TRIO: variants seen among roughly 807,000 people sequenced by gnomAD.
TRIO encodes the protein triple functional domain protein.
TRIO carries 58 observed loss-of-function variants against 351.9 expected under a neutral mutation model. The observed-to-expected ratio is 0.16, with a 90% CI of 0.13 to 0.21. The LOEUF is 0.21. Ranked by LOEUF, TRIO falls within the 10% of genes least tolerant of loss-of-function variation. TRIO has a pLI of 1.00. For synonymous variants in TRIO, 1,758 were observed against 1,595.7 expected, an observed-to-expected ratio of 1.10 and a Z score of -2.42; for missense variants, 3,201 against 4,027.8, an observed-to-expected ratio of 0.79 and a Z score of 5.56.
intron 1 of TRIO, among the ~76,000 whole-genome samples, chr5:14,193,322 T>C (rs1217143115): frequency 3.3e-5 from 5 of 152,238 alleles, no homozygotes; most frequent in Non-Finnish European, 7.3e-5. Flanking sequence ...GGCACACATA[T>C]ACAGATAAAA....
chr5:14,153,392 G>A (rs1356981327), intron 1 of TRIO, among the ~76,000 whole-genome samples: 2 of 152,298 alleles, frequency 1.3e-5, no homozygotes, highest in Admixed American at 6.5e-5. Context: ...TGCTTGCAAT[G>A]TCATAGGATG....
chr5:14,362,270 C>G (rs1165398394), intron 13 of TRIO, among the ~76,000 whole-genome samples: 1 of 152,190 alleles, frequency 6.6e-6, no homozygotes, highest in Non-Finnish European at 1.5e-5. Context: ...AAATCATTGC[C>G]AGTTTATTCT....
chr5:14,154,239 G>T (rs1016010949), intron 1 of TRIO, among the ~76,000 whole-genome samples: 2 of 152,080 alleles, frequency 1.3e-5, no homozygotes, highest in African/African-American at 4.8e-5. Context: ...GAAGGGCGGG[G>T]AGAGGCTGGC....
chr5:14,506,999 G>A, intron 55 of TRIO, 123 bp from the exon 56 acceptor site: 2 of 1,339,328 alleles, frequency 1.5e-6, no homozygotes, highest in South Asian at 1.7e-5. Context: ...TAGAGGCACG[G>A]CCCTGAGATC....
chr5:14,308,597 T>C (rs1738597469), intron 8 of TRIO, among the ~76,000 whole-genome samples: 1 of 150,616 alleles, frequency 6.6e-6, no homozygotes, highest in Admixed American at 6.6e-5. Flanking sequence ...CATTCATTCA[T>C]TGATGCGTTC....
chr5:14,500,128 A>G (rs1757175817), intron 53 of TRIO, among the ~76,000 whole-genome samples: 2 of 152,002 alleles, frequency 1.3e-5, no homozygotes, highest in African/African-American at 2.4e-5. Context: ...AGTTACTTCT[A>G]TCACACAAAT....
chr5:14,251,298 C>T (rs1794732331), intron 1 of TRIO, among the ~76,000 whole-genome samples: 1 of 152,316 alleles, frequency 6.6e-6, no homozygotes, highest in Non-Finnish European at 1.5e-5. Flanking sequence ...AGGCTTCTGG[C>T]CCTATGCCTC....
chr5:14,351,473 C>T (rs1048171372), intron 11 of TRIO, among the ~76,000 whole-genome samples: 10 of 152,096 alleles, frequency 6.6e-5, no homozygotes, highest in African/African-American at 1.2e-4. Flanking sequence ...CCCTATGGCT[C>T]GCCCATTCCC....
intron 34 of TRIO, among the ~76,000 whole-genome samples, chr5:14,453,820 A>T (rs1753029134): frequency 6.6e-6 from 1 of 152,234 alleles, no homozygotes; most frequent in Non-Finnish European, 1.5e-5. Context: ...CTGATGAGAA[A>T]GTTAGCGATG....
rs74723820 is a variant in TRIO, at chr5:14,353,637, A to G, written c.2047-4541A>G. 2.0e-5 allele frequency among the ~76,000 whole-genome samples: 3 copies of G among 152,264 alleles called. No homozygotes were observed. The East Asian group carries it at 5.8e-4, about 29-fold the overall frequency. On this transcript the variant is annotated intron_variant, in intron 11 of 56. Transcript: ENST00000344204. ...GAGAAAACAGAGCTGGATCCAGGTA[A>G]CTTGTCAAAGTTACACCCTAGGAAG...
chr5:14,392,930 C>T (rs887806486), intron 27 of TRIO, among the ~76,000 whole-genome samples: 1 of 152,002 alleles, frequency 6.6e-6, no homozygotes, highest in African/African-American at 2.4e-5. Flanking sequence ...CACCTGTATC[C>T]CAGCTACTTG....
In TRIO at chr5:14,360,888, A is replaced by C. The variant is rs114577279; in HGVS notation, c.2391+1357A>C. ...AGGAGTCAAACCCTAAACATGTGGC[A>C]TGGTGAAACCTGTTCAGATGCTCTC... On this transcript the variant is annotated intron_variant, in intron 13 of 56. Transcript: ENST00000344204. 9.0e-3 allele frequency among the ~76,000 whole-genome samples: 1,375 copies of C among 152,368 alleles called. 18 individuals are homozygous for C. The highest frequency in any genetic ancestry group is 0.031 in the African/African-American group (1,291 of 41,590).
chr5:14,198,112 A>C (rs953695099), intron 1 of TRIO, among the ~76,000 whole-genome samples: 1 of 152,230 alleles, frequency 6.6e-6, no homozygotes, highest in South Asian at 2.1e-4. Flanking sequence ...AAATTTAGAA[A>C]ACAGAAGAAA....
Position 14,284,591 on chromosome 5 carries a change from C to T in TRIO, c.348-2280C>T, listed in dbSNP as rs182948811. Among the ~76,000 whole-genome samples, 70 of 152,220 alleles carry T rather than the reference C, an allele frequency of 4.6e-4. 1 individual carries two copies. Among genetic ancestry groups the T allele is most frequent in the African/African-American group, 1.5e-3 (64 of 41,520 alleles). On this transcript the variant is annotated intron_variant, in intron 3 of 56. Transcript: ENST00000344204. Reference sequence around the variant, plus strand: ...GTAGCTTTTGGTTTTGTTGTTCTCCCGCTTATTCCTGTTGTTAAGCCTGGA... The same window carrying T: ...GTAGCTTTTGGTTTTGTTGTTCTCCTGCTTATTCCTGTTGTTAAGCCTGGA...
chr5:14,272,383 T>G, intron 2 of TRIO, among the ~76,000 whole-genome samples: 1 of 152,224 alleles, frequency 6.6e-6, no homozygotes, highest in East Asian at 1.9e-4. Flanking sequence ...GATGGACATG[T>G]GAAGAAAGGT....
Position 14,482,707 on chromosome 5 carries a change from C to A in TRIO, c.6591C>A (p.Phe2197Leu), listed in dbSNP as rs1336100440. 6.2e-7 allele frequency: 1 copy of A among 1,610,870 alleles called. No individual in the cohort carries two copies. The highest frequency in any genetic ancestry group is 1.3e-5 in the African/African-American group (1 of 74,844). ...RIFLFEQIVI[F>L]SEPLDKKKGF... The stretch of plus-strand genomic sequence containing the variant: ...TCCTCTTTGAGCAGATCGTCATATT[C>A]AGCGAACCACTTGATAAAAAGAAGG... The change falls in exon 46 of 57, where the codon TTC (phenylalanine) becomes TTA (leucine). Residue 2197 changes from phenylalanine to leucine, a missense_variant. Physicochemically the swap from Phe to Leu is conservative, Grantham distance 22 (BLOSUM62 0). Around this residue, in one of 19 missense-constraint regions of TRIO, gnomAD observed 1,089 missense variants for 954.9 expected, o/e 1.14. Transcript: ENST00000344204.
At chr5:14,150,523 G>A (rs1787768554) in intron 1 of TRIO, among the ~76,000 whole-genome samples, 1 of 151,780 alleles carries the variant, frequency 6.6e-6, no homozygotes, top group Non-Finnish European at 1.5e-5. Flanking sequence ...ACAAATCAAA[G>A]GATTATATAT....
intron 34 of TRIO, among the ~76,000 whole-genome samples, chr5:14,426,097 G>A (rs548874295): frequency 2.6e-5 from 4 of 151,806 alleles, no homozygotes; most frequent in African/African-American, 7.3e-5. Context: ...GCCCTTTTTC[G>A]TTTCACCTAA....
intron 9 of TRIO, among the ~76,000 whole-genome samples, chr5:14,317,742 A>G (rs887113907): frequency 6.6e-6 from 1 of 152,246 alleles, no homozygotes. Context: ...CTGTAATCCC[A>G]GCACTTTGGG....
Sources: gnomAD v4.1 joint callset for allele counts (sites outside exome capture counted in the v4.1 genomes callset) on GRCh38, gnomAD v4.1.1 for gene constraint, gnomAD v4.1.1 regional missense constraint, MANE v1.5 for transcripts, NCBI Gene and HGNC (gene_info 2026-07-23, HGNC 2026-07-21) for gene names.